The following DYNC2H1 variants were observed in gnomAD, a reference collection of about 807,000 sequenced individuals.
DYNC2H1 encodes the protein cytoplasmic dynein 2 heavy chain 1.
A neutral mutation model predicts 570.0 loss-of-function variants in DYNC2H1; 410 were observed. The observed-to-expected ratio is 0.72, with a 90% CI of 0.66 to 0.78. DYNC2H1 has a LOEUF of 0.78. Among genes scored for constraint, DYNC2H1 ranks in the 30% least tolerant of loss-of-function variants. The pLI, the probability that DYNC2H1 is intolerant of heterozygous loss-of-function variation, is 0.00. For synonymous variants in DYNC2H1, 1,688 were observed against 1,677.6 expected (o/e 1.01, Z -0.15); for missense variants, 4,865 against 5,046.4 (o/e 0.96, Z 1.09).
At chr11:103,136,019 T>C in intron 17 of DYNC2H1, 71 bp downstream of exon 17, 1 of 1,268,126 alleles carries the variant, frequency 7.9e-7, no homozygotes, top group Non-Finnish European at 1.1e-6. Flanking sequence ...ACATTAAATG[T>C]ATACATTAAT....
At chr11:103,121,186 AT>A in intron 9 of DYNC2H1, 150 bp downstream of exon 9, 8 of 926,680 alleles carry the variant, frequency 8.6e-6, no homozygotes, top group South Asian at 2.3e-5. Flanking sequence ...TAAATGACAG[AT>A]TTTTTTGCAT....
chr11:103,277,124 T>C lies in DYNC2H1; in HGVS notation c.10696-3224T>C, dbSNP rs546219166. ...ATACATATAAATAAAGAAAAAAAAG[T>C]CTCCTTTTCAGTCTCTCCCCAACTT... On this transcript the variant is annotated intron_variant, in intron 70 of 88. Transcript: ENST00000375735. This position sits in a 1 kb window ranked among gnomAD's most constrained non-coding sequence, Gnocchi z 4.3. 2.4e-4 allele frequency among the ~76,000 whole-genome samples: 36 copies of C among 152,110 alleles called. No individual in the cohort carries two copies. The highest frequency in any genetic ancestry group is 2.1e-3 in the South Asian group (10 of 4,826).
chr11:103,428,974 A>T (rs1021031978), intron 84 of DYNC2H1, among the ~76,000 whole-genome samples: 1 of 152,072 alleles, frequency 6.6e-6, no homozygotes, highest in African/African-American at 2.4e-5. Context: ...TAATTGAAAA[A>T]ATCTGGCTGG....
chr11:103,314,334 C>T (rs11225700), intron 79 of DYNC2H1, among the ~76,000 whole-genome samples: 25,206 of 151,966 alleles, frequency 0.17, 2,278 homozygotes, highest in Admixed American at 0.25. Context: ...CTTTTTAAAA[C>T]AATATGTTTG....
intron 83 of DYNC2H1, among the ~76,000 whole-genome samples, chr11:103,386,976 T>C (rs1199375451): frequency 6.6e-6 from 1 of 151,794 alleles, no homozygotes; most frequent in Non-Finnish European, 1.5e-5. Context: ...TGCATGTGTC[T>C]TTATAGCAGC....
intron 83 of DYNC2H1, among the ~76,000 whole-genome samples, chr11:103,362,320 C>CTTTTTTTT (rs879453459): frequency 2.8e-5 from 2 of 71,618 alleles, no homozygotes; most frequent in Non-Finnish European, 6.3e-5. Context: ...TAATTTTTTT[C>CTTTTTTTT]TTTTTTTTTT....
intron 53 of DYNC2H1, among the ~76,000 whole-genome samples, chr11:103,211,436 G>T (rs1371455681): frequency 1.3e-5 from 2 of 151,982 alleles, no homozygotes; most frequent in Admixed American, 6.6e-5. Flanking sequence ...TCAGCAGATT[G>T]TATTTAGCTC....
chr11:103,236,318 T>C lies in DYNC2H1; in HGVS notation c.9710-112T>C, dbSNP rs545568232. The stretch of plus-strand genomic sequence containing the variant: ...GGGTGTTAAATGTGGAAGAATGGGT[T>C]TCAAGTAAGGACTGTCATAGGACTT... On this transcript the variant is annotated intron_variant, in intron 62 of 88. Transcript: ENST00000375735. 6.0e-4 allele frequency: 407 copies of C among 682,554 alleles called. 1 individual carries two copies. The African/African-American group carries it at 7.0e-3, about 12-fold the overall frequency. The allele number at this position is 682,554 out of a possible 1,614,324, so 42.3% of individuals were successfully genotyped here.
chr11:103,386,473 T>C (rs556492425), intron 83 of DYNC2H1, among the ~76,000 whole-genome samples: 21 of 137,086 alleles, frequency 1.5e-4, no homozygotes, highest in Admixed American at 7.6e-4. Flanking sequence ...CACACAAAAG[T>C]ATTTTGGGCT....
intron 84 of DYNC2H1, among the ~76,000 whole-genome samples, chr11:103,414,227 G>T (rs1709155): frequency 1.3e-5 from 2 of 151,986 alleles, no homozygotes; most frequent in African/African-American, 2.4e-5. Context: ...GGACATCACT[G>T]CATTTCCTAC....
chr11:103,388,829 A>T (rs998143421), intron 83 of DYNC2H1, among the ~76,000 whole-genome samples: 25 of 152,242 alleles, frequency 1.6e-4, no homozygotes, highest in African/African-American at 6.0e-4. Flanking sequence ...ATGTTGTACC[A>T]GCCTTGCATC....
intron 82 of DYNC2H1, among the ~76,000 whole-genome samples, chr11:103,336,549 C>T (rs1173838758): frequency 1.3e-5 from 2 of 151,992 alleles, no homozygotes; most frequent in Non-Finnish European, 2.9e-5. Flanking sequence ...TGAATGAGAA[C>T]ATGCAGTATT....
intron 85 of DYNC2H1, among the ~76,000 whole-genome samples, chr11:103,438,183 T>C (rs1291017530): frequency 6.6e-6 from 1 of 152,074 alleles, no homozygotes; most frequent in Non-Finnish European, 1.5e-5. Flanking sequence ...GGATACTTTT[T>C]ACATTGTTTT....
chr11:103,116,142 CAAT>C (rs1257401412), intron 4 of DYNC2H1, among the ~76,000 whole-genome samples: 8 of 151,934 alleles, frequency 5.3e-5, no homozygotes, highest in Admixed American at 2.0e-4. Flanking sequence ...TTTTTGGTAA[CAAT>C]GATGAAATAT....
chr11:103,459,005 C>T (rs563306360), intron 87 of DYNC2H1, among the ~76,000 whole-genome samples: 3 of 151,654 alleles, frequency 2.0e-5, no homozygotes, highest in Non-Finnish European at 2.9e-5. Flanking sequence ...TAACTTTATA[C>T]AACTAACTTA....
At chr11:103,137,792 C>T (rs2134794000) in intron 17 of DYNC2H1, among the ~76,000 whole-genome samples, 1 of 152,060 alleles carries the variant, frequency 6.6e-6, no homozygotes, top group South Asian at 2.1e-4. Flanking sequence ...ATGGGGATGG[C>T]ATTGAATCTA....
chr11:103,237,150 T>C (rs1480696172), intron 63 of DYNC2H1, among the ~76,000 whole-genome samples: 1 of 152,040 alleles, frequency 6.6e-6, no homozygotes, highest in Non-Finnish European at 1.5e-5. Context: ...TTTCTTGATA[T>C]GGAAATTGGA....
chr11:103,401,098 A>T (rs1942621488), intron 84 of DYNC2H1, among the ~76,000 whole-genome samples: 1 of 152,202 alleles, frequency 6.6e-6, no homozygotes, highest in Non-Finnish European at 1.5e-5. Context: ...TAACTCGTTT[A>T]ATCATCACAG....
At chr11:103,141,393 C>T (rs1227053862) in intron 17 of DYNC2H1, among the ~76,000 whole-genome samples, 3 of 151,994 alleles carry the variant, frequency 2.0e-5, no homozygotes, top group African/African-American at 7.2e-5. Context: ...TGTGGATGTC[C>T]TTTCTGTTTG....
Sources: gnomAD v4.1 joint callset for allele counts (sites outside exome capture counted in the v4.1 genomes callset) on GRCh38, gnomAD v4.1.1 for gene constraint, Gnocchi (gnomAD v3.1) non-coding constraint, MANE v1.5 for transcripts, NCBI Gene and HGNC (gene_info 2026-07-23, HGNC 2026-07-21) for gene names.